KIAA1328: variants seen among roughly 807,000 people sequenced by gnomAD.
KIAA1328 encodes protein hinderin.
Under a neutral mutation model 68.1 loss-of-function variants are expected in KIAA1328, and 52 were observed. The ratio of observed to expected loss-of-function variants is 0.76; its 90% confidence interval spans 0.61 to 0.96. The LOEUF (loss-of-function observed/expected upper bound fraction) is 0.96. KIAA1328 is among the 40% of genes least tolerant of loss of function. The pLI is 0.00. For missense variants in KIAA1328, 641 were observed against 677.6 expected (o/e 0.95, Z 0.60); for synonymous variants, 232 against 239.4 (o/e 0.97, Z 0.28).
At chr18:36,904,396 T>C (rs2049144496) in intron 5 of KIAA1328, among the ~76,000 whole-genome samples, 1 of 152,118 alleles carries the variant, frequency 6.6e-6, no homozygotes, top group Non-Finnish European at 1.5e-5. Flanking sequence ...TCTTATATTT[T>C]GAAATTCCAT....
In KIAA1328 at chr18:36,891,972, G is replaced by C. The variant is rs1485925618; in HGVS notation, c.448+6300G>C. The stretch of plus-strand genomic sequence containing the variant: ...TCCCATAATGTCTGTGCTGAAAATA[G>C]GTAAGAGAAAATTCACAAGATTTTT... On this transcript the variant is annotated intron_variant, in intron 5 of 9. Transcript: ENST00000280020. Among the ~76,000 whole-genome samples the C allele has an allele frequency of 2.6e-5, 4 of 152,160 alleles. No individual in the cohort carries two copies. In the East Asian group the frequency reaches 7.7e-4, roughly 29 times the overall value.
At chr18:37,183,428 A>G (rs2059734764) in intron 9 of KIAA1328, among the ~76,000 whole-genome samples, 1 of 152,152 alleles carries the variant, frequency 6.6e-6, no homozygotes, top group Non-Finnish European at 1.5e-5. Context: ...TTGATTTTTC[A>G]AAAAGACTCT....
At chr18:37,060,919 C>A (rs886951828) in intron 6 of KIAA1328, among the ~76,000 whole-genome samples, 2 of 152,096 alleles carry the variant, frequency 1.3e-5, no homozygotes, top group Admixed American at 1.3e-4. Flanking sequence ...AGATCGAGAC[C>A]ATCCTGGCCA....
intron 5 of KIAA1328, among the ~76,000 whole-genome samples, chr18:36,948,285 C>T (rs1335038513): frequency 1.6e-4 from 18 of 115,076 alleles, no homozygotes; most frequent in Admixed American, 1.1e-3. Context: ...TTTTTTGAGA[C>T]AGAGTCTTAC....
rs983690804 is a variant in KIAA1328 at position 37,144,381 on chromosome 18, A to G, written c.1233-15819A>G. 5.3e-5 allele frequency among the ~76,000 whole-genome samples: 8 copies of G among 150,944 alleles called. No individual in the cohort carries two copies. The East Asian group carries it at 5.8e-4, about 11-fold the overall frequency. On this transcript the variant is annotated intron_variant, in intron 7 of 9. Coordinates refer to ENST00000280020, the MANE Select transcript of KIAA1328 (RefSeq NM_020776.3). ...GTTTCTTTTGTGTTTTTATTTGTCT[A>G]TTTTATGGATTTCTACTCTTTACTG...
chr18:37,169,473 T>C (rs2059457291), intron 8 of KIAA1328, among the ~76,000 whole-genome samples: 1 of 152,030 alleles, frequency 6.6e-6, no homozygotes, highest in Non-Finnish European at 1.5e-5. Context: ...CCAGCATTTT[T>C]ATTTATTTTT....
At chr18:37,069,324 A>G (rs958103885) in intron 7 of KIAA1328, among the ~76,000 whole-genome samples, 3 of 147,886 alleles carry the variant, frequency 2.0e-5, no homozygotes, top group Non-Finnish European at 3.0e-5. Context: ...CAGTGGCATG[A>G]TCTTAGCCCA....
In KIAA1328 at chr18:37,100,151, T is replaced by C. The variant is rs143345222; in HGVS notation, c.1232+32606T>C. On this transcript the variant is annotated intron_variant, in intron 7 of 9. Coordinates refer to ENST00000280020, the MANE Select transcript of KIAA1328 (RefSeq NM_020776.3). ...AACTGAGGTACCAGGTTCATCTCAC[T>C]GGGGAGTGTTGAACAGTGGGCGCAG... Among the ~76,000 whole-genome samples, 1,038 of 152,264 alleles carry C rather than the reference T, an allele frequency of 6.8e-3. 17 individuals are homozygous for C. Among genetic ancestry groups the C allele is most frequent in the African/African-American group, 0.023 (964 of 41,560 alleles).
At chr18:37,161,857 A>G (rs1165070257) in intron 8 of KIAA1328, among the ~76,000 whole-genome samples, 1 of 152,268 alleles carries the variant, frequency 6.6e-6, no homozygotes, top group East Asian at 1.9e-4. Flanking sequence ...GGTTAAAACC[A>G]CAGCAACAGT....
intron 4 of KIAA1328, among the ~76,000 whole-genome samples, chr18:36,876,825 T>C (rs916331048): frequency 5.9e-5 from 9 of 152,226 alleles, no homozygotes; most frequent in African/African-American, 2.4e-5. Context: ...TTCTATAAAT[T>C]TCCTTCTAAG....
chr18:37,095,667 GA>G (rs1035678203), intron 7 of KIAA1328, among the ~76,000 whole-genome samples: 1 of 152,046 alleles, frequency 6.6e-6, no homozygotes, highest in African/African-American at 2.4e-5. Flanking sequence ...AGAACTAAAT[GA>G]AATATGGGCT....
intron 4 of KIAA1328, among the ~76,000 whole-genome samples, chr18:36,851,892 T>A (rs2047223390): frequency 6.6e-6 from 1 of 152,084 alleles, no homozygotes; most frequent in East Asian, 1.9e-4. Flanking sequence ...ATTTGAGATC[T>A]CTTTTTTAAT....
At chr18:37,164,288 C>A (rs945966476) in intron 8 of KIAA1328, among the ~76,000 whole-genome samples, 29 of 152,170 alleles carry the variant, frequency 1.9e-4, no homozygotes, top group African/African-American at 6.5e-4. Flanking sequence ...TCTTTCGATG[C>A]CCTTATCCTG....
intron 6 of KIAA1328, among the ~76,000 whole-genome samples, chr18:36,992,599 G>T (rs1185281652): frequency 6.6e-6 from 1 of 151,948 alleles, no homozygotes; most frequent in Non-Finnish European, 1.5e-5. Flanking sequence ...AGCAGTTCTG[G>T]AAAGAAGCTA....
chr18:37,060,066 G>A (rs572309220), intron 6 of KIAA1328, among the ~76,000 whole-genome samples: 115 of 152,150 alleles, frequency 7.6e-4, no homozygotes, highest in African/African-American at 2.6e-3. Flanking sequence ...TAGATGATGG[G>A]TTGATGGGTG....
chr18:37,044,747 C>T (rs977274734), intron 6 of KIAA1328, among the ~76,000 whole-genome samples: 6 of 148,486 alleles, frequency 4.0e-5, no homozygotes, highest in Admixed American at 2.7e-4. Flanking sequence ...TGCAGTGAGC[C>T]GAGATCGCGC....
chr18:37,169,744 A>G (rs2059464687), intron 8 of KIAA1328, among the ~76,000 whole-genome samples: 2 of 152,232 alleles, frequency 1.3e-5, no homozygotes. Context: ...AATCATTCTT[A>G]TCCTTTTCAG....
intron 5 of KIAA1328, among the ~76,000 whole-genome samples, chr18:36,930,488 G>A (rs957789373): frequency 6.6e-6 from 1 of 152,092 alleles, no homozygotes; most frequent in Non-Finnish European, 1.5e-5. Flanking sequence ...ATTTTTATAG[G>A]TGAGTTAAAT....
At chr18:36,831,845 T>A (rs2046504149) in intron 1 of KIAA1328, among the ~76,000 whole-genome samples, 1 of 152,166 alleles carries the variant, frequency 6.6e-6, no homozygotes, top group South Asian at 2.1e-4. Flanking sequence ...TGCATCTTCC[T>A]CTCTACCACT....
Sources: allele counts gnomAD v4.1 joint callset (sites outside exome capture counted in the v4.1 genomes callset), GRCh38; gene constraint gnomAD v4.1.1; transcripts MANE v1.5; gene names NCBI Gene and HGNC (gene_info 2026-07-23, HGNC 2026-07-21).